The following F5 variants were observed in gnomAD, a reference collection of about 807,000 sequenced individuals.
The protein encoded by F5 is coagulation factor V.
F5 carries 138 observed loss-of-function variants against 216.4 expected under a neutral mutation model. That is an observed-to-expected ratio of 0.64 (90% CI 0.56 to 0.73). The LOEUF is 0.73. Ranked by LOEUF, F5 falls within the 30% of genes least tolerant of loss-of-function variation. F5 has a pLI of 0.00. For synonymous variants in F5, 916 were observed against 930.7 expected (o/e 0.98, Z 0.29); for missense variants, 2,403 against 2,674.0 (o/e 0.90, Z 2.24).
At chr1:169,525,155 CT>C (rs1470166878) in intron 18 of F5, among the ~76,000 whole-genome samples, 1 of 151,970 alleles carries the variant, frequency 6.6e-6, no homozygotes, top group Non-Finnish European at 1.5e-5. Flanking sequence ...ATTTTTTAAA[CT>C]GATTTTCTTC....
chr1:169,580,738 A>G (rs1317403166), intron 2 of F5, among the ~76,000 whole-genome samples: 2 of 152,180 alleles, frequency 1.3e-5, no homozygotes, highest in Non-Finnish European at 2.9e-5. Context: ...AAATAAATAT[A>G]TAAATGAACA....
Position 169,542,960 on chromosome 1 carries a change from A to G in F5, c.2130T>C (p.His710=), listed in dbSNP as rs1222337136. ...ESTVMATRKM[H]DRLEPEDEES... ...CTTCATCTTCAGGTTCTAAACGATC[A>G]TGCATTTTCCGTGTAGCCATGACTG... The change falls in exon 13 of 25, where the codon CAT becomes CAC. Residue 710 remains histidine (H), a synonymous_variant. Transcript: ENST00000367797. 6.2e-7 allele frequency: 1 copy of G among 1,613,990 alleles called. No homozygotes were observed. The highest frequency in any genetic ancestry group is 8.5e-7 in the Non-Finnish European group (1 of 1,180,000).
chr1:169,529,725 C>A lies in F5; in HGVS notation c.5302G>T (p.Glu1768Ter), dbSNP rs1659546291. 1.2e-6 allele frequency: 2 copies of A among 1,613,702 alleles called. No homozygotes were observed. The highest frequency in any genetic ancestry group is 1.3e-5 in the African/African-American group (1 of 74,906). Reference sequence around the variant, plus strand: ...AAGGTCATAAATAGTAAGACAAATTCTCTCATGTCCATAGGCATGTTGCTG... The same window carrying A: ...AAGGTCATAAATAGTAAGACAAATTATCTCATGTCCATAGGCATGTTGCTG... ...KDSNMPMDMR[E>*]FVLLFMTFDE... Residue 1768 changes from glutamate (E) to a stop codon, truncating the protein, a stop_gained, in exon 16 of 25, where the codon GAA becomes TAA. Transcript: ENST00000367797. LOFTEE classifies it high-confidence loss of function.
intron 20 of F5, 65 bp downstream of exon 20, chr1:169,523,736 T>C: frequency 7.4e-7 from 1 of 1,350,344 alleles, no homozygotes; most frequent in African/African-American, 1.4e-5. Context: ...AACAAGGAAT[T>C]ACTAAATCAC....
chr1:169,525,757 C>T (rs562720913), intron 18 of F5, 144 bp downstream of exon 18: 28 of 718,574 alleles, frequency 3.9e-5, no homozygotes, highest in Non-Finnish European at 5.9e-5. Flanking sequence ...GACCATGGGC[C>T]GGAATAAAAG....
intron 21 of F5, among the ~76,000 whole-genome samples, 191 bp from the exon 22 acceptor site, chr1:169,520,855 C>T (rs1410021712): frequency 1.3e-5 from 2 of 152,092 alleles, no homozygotes; most frequent in African/African-American, 4.8e-5. Flanking sequence ...TTGCCCTATT[C>T]CTCCTGCTAA....
chr1:169,555,286 T>C lies in F5; in HGVS notation c.1014A>G (p.Lys338=), dbSNP rs1439527800. The part of the protein sequence containing the change: ...NCPKKTRNLK[K]ITREQRRHMK... ...TGTGCCGCCTCTGCTCACGAGTTATTTTCTTAAGATTCCTGGTTTTCTTTG... is the reference window on the plus strand; with the variant it reads ...TGTGCCGCCTCTGCTCACGAGTTATCTTCTTAAGATTCCTGGTTTTCTTTG... Residue 338 remains lysine, a synonymous_variant, in exon 7 of 25, where the codon AAA becomes AAG. Transcript: ENST00000367797. 6.2e-7 allele frequency: 1 copy of C among 1,614,004 alleles called. No homozygotes were observed. The highest frequency in any genetic ancestry group is 1.3e-5 in the African/African-American group (1 of 74,892).
chr1:169,555,129 C>T, intron 7 of F5, 53 bp downstream of exon 7: 1 of 1,601,032 alleles, frequency 6.2e-7, no homozygotes, highest in Non-Finnish European at 8.6e-7. Flanking sequence ...ATCTAGGACC[C>T]TATGGAATGT....
rs950944003 is a variant in F5 at position 169,549,726 on chromosome 1, A to G, written c.1611+75T>C. 5.7e-6 allele frequency: 6 copies of G among 1,060,732 alleles called. No individual in the cohort carries two copies. The Middle Eastern group carries it at 8.8e-4, about 155-fold the overall frequency. 65.7% of individuals were successfully genotyped at this position (1,060,732 alleles called of 1,614,324 possible). A position where few individuals can be genotyped will look rare whatever the true frequency, so the allele number is the denominator to read the frequency against. On this transcript the variant is annotated intron_variant, in intron 10 of 24. Coordinates refer to ENST00000367797, the MANE Select transcript of F5 (RefSeq NM_000130.5). Reference sequence around the variant, plus strand: ...TCTTGAAGGAAATGCCCCATTATTTAGCCAGGAGACCTAACATGTTCTAGC... The same window carrying G: ...TCTTGAAGGAAATGCCCCATTATTTGGCCAGGAGACCTAACATGTTCTAGC...
intron 2 of F5, among the ~76,000 whole-genome samples, chr1:169,579,331 C>T (rs1414000117): frequency 6.6e-6 from 1 of 152,156 alleles, no homozygotes; most frequent in Non-Finnish European, 1.5e-5. Flanking sequence ...CTTGGCTCAT[C>T]CCTTGGACTT....
chr1:169,582,518 T>C lies in F5; in HGVS notation c.163A>G (p.Asn55Asp), dbSNP rs756206405. The change falls in exon 2 of 25, where the codon AAT becomes GAT. Residue 55 changes from asparagine (N) to aspartate (D), a missense_variant. By Grantham distance (23) the Asn-to-Asp change is conservative. Around this residue, in one of 4 missense-constraint regions of F5, gnomAD observed 1,425 missense variants for 1,554.8 expected, o/e 0.92. Coordinates refer to ENST00000367797, the MANE Select transcript of F5 (RefSeq NM_000130.5). ...TTCTTAAAGGAAGTTACAGAAAGAT[T>C]CAAACTGGAAATAAAATACAAAAAC... ...YRPEPTNSSL[N>D]LSVTSFKKIV... 1.5e-5 allele frequency: 23 copies of C among 1,513,112 alleles called. No homozygotes were observed. Among genetic ancestry groups the C allele is most frequent in the Non-Finnish European group, 1.9e-5 (21 of 1,093,402 alleles). 93.7% of individuals were successfully genotyped at this position (1,513,112 alleles called of 1,614,324 possible).
At chr1:169,567,322 A>G (rs911937040) in intron 3 of F5, among the ~76,000 whole-genome samples, 2 of 152,012 alleles carry the variant, frequency 1.3e-5, no homozygotes, top group Non-Finnish European at 2.9e-5. Context: ...AGCATGGCAC[A>G]TGTATACATA....
At chr1:169,583,951 C>A (rs977527325) in intron 1 of F5, among the ~76,000 whole-genome samples, 1 of 152,248 alleles carries the variant, frequency 6.6e-6, no homozygotes, top group East Asian at 1.9e-4. Context: ...AAGGTTAAAG[C>A]GTGGAAGTTG....
intron 11 of F5, 25 bp downstream of exon 11, chr1:169,546,417 G>T (rs1660003286): frequency 6.2e-7 from 1 of 1,613,700 alleles, no homozygotes; most frequent in South Asian, 1.1e-5. Context: ...AAAAACTGAT[G>T]AACAAAAATA....
chr1:169,579,224 T>C (rs1171550502), intron 2 of F5, among the ~76,000 whole-genome samples: 1 of 152,166 alleles, frequency 6.6e-6, no homozygotes, highest in Admixed American at 6.5e-5. Flanking sequence ...CTTATATTAA[T>C]AGCATTTGAC....
intron 5 of F5, among the ~76,000 whole-genome samples, chr1:169,558,379 C>T (rs1278940869): frequency 6.6e-6 from 1 of 152,180 alleles, no homozygotes; most frequent in African/African-American, 2.4e-5. Flanking sequence ...AAAAACACTA[C>T]CCAGATCTCA....
chr1:169,586,403 C>T lies in F5; in HGVS notation c.-17G>A. On this transcript the variant is annotated 5_prime_UTR_variant, in exon 1 of 25. Transcript: ENST00000367797. ...TGGGAACATGCTTCCTTTCCTGCTCCCGCTGGCTGCCACCACCCCAGGACC... is the reference window on the plus strand; with the variant it reads ...TGGGAACATGCTTCCTTTCCTGCTCTCGCTGGCTGCCACCACCCCAGGACC... 6.2e-7 allele frequency: 1 copy of T among 1,608,988 alleles called. No individual in the cohort carries two copies. Among genetic ancestry groups the T allele is most frequent in the Non-Finnish European group, 8.5e-7 (1 of 1,179,180 alleles).
At chr1:169,525,431 G>A (rs931526617) in intron 18 of F5, among the ~76,000 whole-genome samples, 14 of 152,192 alleles carry the variant, frequency 9.2e-5, no homozygotes, top group Non-Finnish European at 1.9e-4. Flanking sequence ...TCTTGATCAA[G>A]GAAGGGATAC....
rs747716745 is a variant in F5 at position 169,546,537 on chromosome 1, C to T, written c.1667G>A (p.Ser556Asn). 1.9e-6 allele frequency: 3 copies of T among 1,614,030 alleles called. No homozygotes were observed. In the African/African-American group the frequency reaches 4.0e-5, roughly 22 times the overall value. The part of the protein sequence containing the change: ...AVFAVFDENK[S>N]WYLEDNINKF... ...GTTGATGTTGTCCTCAAGGTACCAG[C>T]TTTTGTTCTCATCAAACACAGCAAA... Residue 556 changes from serine to asparagine, a missense_variant, in exon 11 of 25, where the codon AGC (serine) becomes AAC (asparagine). Coordinates refer to ENST00000367797, the MANE Select transcript of F5 (RefSeq NM_000130.5).
Sources: allele counts gnomAD v4.1 joint callset (sites outside exome capture counted in the v4.1 genomes callset), GRCh38; gene constraint gnomAD v4.1.1; regional missense constraint gnomAD v4.1.1; transcripts MANE v1.5; gene names NCBI Gene and HGNC (gene_info 2026-07-23, HGNC 2026-07-21).